The following TOX3 variants were observed in gnomAD, a reference collection of about 807,000 sequenced individuals.
TOX3 encodes CAG trinucleotide repeat-containing gene F9 protein.
In TOX3, 22 loss-of-function variants were observed where a neutral mutation model predicts 64.3. That is an observed-to-expected ratio of 0.34 (90% CI 0.24 to 0.49). TOX3 has a LOEUF of 0.49. Among genes scored for constraint, TOX3 ranks in the 20% least tolerant of loss-of-function variants. The pLI is 0.99. For synonymous variants in TOX3, 291 were observed against 273.6 expected (o/e 1.06, Z -0.63); for missense variants, 661 against 714.4 (o/e 0.93, Z 0.85).
chr16:52,454,253 G>T (rs928301700), intron 3 of TOX3, among the ~76,000 whole-genome samples: 4 of 150,992 alleles, frequency 2.6e-5, no homozygotes, highest in Non-Finnish European at 4.4e-5. Context: ...AAAAAAAAAA[G>T]ATTATTTTGC....
intron 3 of TOX3, among the ~76,000 whole-genome samples, chr16:52,455,330 T>C (rs974841174): frequency 4.6e-5 from 7 of 152,098 alleles, no homozygotes; most frequent in Non-Finnish European, 8.8e-5. Flanking sequence ...ATAGAATATT[T>C]AGCAGCATCT....
At chr16:52,497,771 G>C (rs954865933) in intron 1 of TOX3, among the ~76,000 whole-genome samples, 2 of 151,954 alleles carry the variant, frequency 1.3e-5, no homozygotes, top group African/African-American at 4.8e-5. Context: ...TGTCCTTACA[G>C]AGCCAGTTGT....
intron 1 of TOX3, among the ~76,000 whole-genome samples, chr16:52,474,975 C>T (rs1480161375): frequency 1.3e-5 from 2 of 152,112 alleles, no homozygotes; most frequent in East Asian, 3.9e-4. Context: ...AGGGCCTTTG[C>T]ACTGGCTGTT....
At chr16:52,449,361 T>C (rs955884533) in intron 4 of TOX3, among the ~76,000 whole-genome samples, 3 of 152,196 alleles carry the variant, frequency 2.0e-5, no homozygotes, top group Non-Finnish European at 2.9e-5. Flanking sequence ...TGTTCCTCAC[T>C]AGCCCCCAAC....
intron 1 of TOX3, among the ~76,000 whole-genome samples, chr16:52,474,373 C>T (rs1961143426): frequency 6.6e-6 from 1 of 152,100 alleles, no homozygotes; most frequent in African/African-American, 2.4e-5. Flanking sequence ...CCATACTTCC[C>T]AACAGACTAT....
intron 1 of TOX3, among the ~76,000 whole-genome samples, chr16:52,525,021 G>T (rs1257095086): frequency 6.6e-6 from 1 of 151,904 alleles, no homozygotes; most frequent in Non-Finnish European, 1.5e-5. Flanking sequence ...AACCTGAAAG[G>T]CAAGATATTT....
intron 1 of TOX3, among the ~76,000 whole-genome samples, chr16:52,472,770 A>G (rs1961085712): frequency 6.6e-6 from 1 of 152,176 alleles, no homozygotes; most frequent in Non-Finnish European, 1.5e-5. Flanking sequence ...AGACACATAA[A>G]TGGTCACTGG....
chr16:52,485,036 AAT>A (rs58800489), intron 1 of TOX3, among the ~76,000 whole-genome samples: 2,366 of 140,368 alleles, frequency 0.017, 65 homozygotes, highest in African/African-American at 0.059. Context: ...ATGTCAGATA[AAT>A]ATATATATAT....
At chr16:52,497,275 C>T (rs2151461987) in intron 1 of TOX3, among the ~76,000 whole-genome samples, 1 of 152,280 alleles carries the variant, frequency 6.6e-6, no homozygotes, top group Admixed American at 6.5e-5. Context: ...ACATTACCAA[C>T]CAGTTGTTCA....
At chr16:52,485,244 G>GTATATATATATATATA (rs761645024) in intron 1 of TOX3, among the ~76,000 whole-genome samples, 27 of 95,310 alleles carry the variant, frequency 2.8e-4, no homozygotes, top group African/African-American at 1.5e-3. Flanking sequence ...GTATGTGTGT[G>GTATATATATATATATA]TGTATATATA....
chr16:52,539,261 G>A (rs1163017337), intron 1 of TOX3, among the ~76,000 whole-genome samples: 1 of 152,190 alleles, frequency 6.6e-6, no homozygotes, highest in African/African-American at 2.4e-5. Context: ...AAGAGAGAAA[G>A]GATGTTTCAT....
At chr16:52,454,695 C>T (rs61373626) in intron 3 of TOX3, among the ~76,000 whole-genome samples, 3,581 of 152,246 alleles carry the variant, frequency 0.024, 126 homozygotes, top group African/African-American at 0.082. Context: ...AGGAAGATGT[C>T]AGCTCAGTAT....
Position 52,528,484 on chromosome 16 carries a change from C to T in TOX3, c.87+18153G>A, listed in dbSNP as rs563678550. On this transcript the variant is annotated intron_variant, in intron 1 of 6. Coordinates refer to ENST00000219746, the MANE Select transcript of TOX3 (RefSeq NM_001080430.4). Reference sequence around the variant, plus strand: ...TTTCAGAAATGATGATGCTGAGAGGCTCAGGAACATGCCAGAGATCACAGG... The same window carrying T: ...TTTCAGAAATGATGATGCTGAGAGGTTCAGGAACATGCCAGAGATCACAGG... Among the ~76,000 whole-genome samples the T allele has an allele frequency of 2.6e-5, 4 of 152,038 alleles. No individual in the cohort carries two copies. The East Asian group carries it at 7.8e-4, about 30-fold the overall frequency.
intron 1 of TOX3, among the ~76,000 whole-genome samples, chr16:52,515,720 T>C (rs1962435689): frequency 6.6e-6 from 1 of 152,230 alleles, no homozygotes; most frequent in Non-Finnish European, 1.5e-5. Context: ...TAGAAGCAGG[T>C]AAAACAGAAG....
chr16:52,546,786 C>T lies in TOX3; in HGVS notation c.-63G>A, dbSNP rs934259440. 2.0e-5 allele frequency: 28 copies of T among 1,418,040 alleles called. No individual in the cohort carries two copies. The highest frequency in any genetic ancestry group is 1.9e-4 in the African/African-American group (13 of 67,154). 87.8% of individuals were successfully genotyped at this position (1,418,040 alleles called of 1,614,324 possible). On this transcript the variant is annotated 5_prime_UTR_variant, in exon 1 of 7. Coordinates refer to ENST00000219746, the MANE Select transcript of TOX3 (RefSeq NM_001080430.4). ...GTTCGCCGGGGCCGGGACCCGCCTC[C>T]TCGCCGCCGCTAGATCCACCGTCGA...
At chr16:52,445,347 G>C (rs1452992098) in intron 5 of TOX3, 1 of 152,144 alleles carries the variant, frequency 6.6e-6, no homozygotes, top group African/African-American at 2.4e-5. Context: ...ATGGTAATTG[G>C]AGTTTCATGC....
chr16:52,463,066 T>C (rs1033162957), intron 3 of TOX3, among the ~76,000 whole-genome samples: 9 of 152,214 alleles, frequency 5.9e-5, no homozygotes, highest in Non-Finnish European at 1.2e-4. Context: ...ATGGTCCTAA[T>C]GTGCAGAGAA....
chr16:52,529,329 T>C (rs1962797611), intron 1 of TOX3, among the ~76,000 whole-genome samples: 1 of 152,232 alleles, frequency 6.6e-6, no homozygotes, highest in Admixed American at 6.5e-5. Context: ...GCTTGTTTTT[T>C]AGTTTTACAA....
chr16:52,519,302 A>C, intron 1 of TOX3: 1 of 1,120,640 alleles, frequency 8.9e-7, no homozygotes, highest in Non-Finnish European at 1.2e-6. Flanking sequence ...TTCTTAAACT[A>C]GAAATGTAAG....
Sources: gnomAD v4.1 joint callset for allele counts (sites outside exome capture counted in the v4.1 genomes callset) on GRCh38, gnomAD v4.1.1 for gene constraint, MANE v1.5 for transcripts, NCBI Gene and HGNC (gene_info 2026-07-23, HGNC 2026-07-21) for gene names.